The following ABR variants were observed in gnomAD, a reference collection of about 807,000 sequenced individuals.
ABR encodes ABR activator of RhoGEF and GTPase.
Under a neutral mutation model 107.2 loss-of-function variants are expected in ABR, and 35 were observed. The observed-to-expected ratio is 0.33, with a 90% CI of 0.25 to 0.43. ABR has a LOEUF of 0.43. Ranked by LOEUF, ABR falls within the 20% of genes least tolerant of loss-of-function variation. The probability of loss-of-function intolerance (pLI) is 1.00; values close to 1 mark genes in which losing one functional copy is unlikely to be tolerated. For missense variants in ABR, 815 were observed against 1,115.2 expected (o/e 0.73, Z 3.83); for synonymous variants, 498 against 462.0 (o/e 1.08, Z -1.00).
chr17:1,138,032 C>A (rs1295246457), intron 1 of ABR, among the ~76,000 whole-genome samples: 3 of 151,582 alleles, frequency 2.0e-5, no homozygotes, highest in African/African-American at 7.3e-5. Flanking sequence ...TCCTGAGTAG[C>A]TGGGATTACA....
At position 1,100,676 on chromosome 17, in the gene ABR, G is replaced by T. The variant is rs547338113; in HGVS notation, c.306C>A (p.Ser102Arg). Residue 102 changes from serine (S) to arginine (R), a missense_variant, in exon 3 of 23, where the codon AGC (serine) becomes AGA (arginine). Around this residue, in one of 5 missense-constraint regions of ABR, gnomAD observed 385 missense variants for 596.9 expected, o/e 0.64. Coordinates refer to ENST00000302538, the MANE Select transcript of ABR (RefSeq NM_021962.5). The part of the protein sequence containing the change: ...RKLVLSGFLA[S>R]EEIYINQLEA... ...CCAGCTGGTTAATGTAGATCTCTTC[G>T]CTGGCCAAGAACCCCGAGAGAACCA... The T allele has an allele frequency of 6.2e-7, 1 of 1,614,118 alleles. No homozygotes were observed. Among genetic ancestry groups the T allele is most frequent in the South Asian group, 1.1e-5 (1 of 91,080 alleles).
At chr17:1,167,611 C>T (rs1217024008) in intron 1 of ABR, among the ~76,000 whole-genome samples, 1 of 152,166 alleles carries the variant, frequency 6.6e-6, no homozygotes. Context: ...CAGGCTGAGG[C>T]GTCAAGACAG....
chr17:1,010,835 A>T lies in ABR; in HGVS notation c.2130T>A (p.Ser710Arg). The T allele has an allele frequency of 3.1e-6, 5 of 1,613,738 alleles. No homozygotes were observed. The highest frequency in any genetic ancestry group is 4.2e-6 in the Non-Finnish European group (5 of 1,179,988). Residue 710 changes from serine (S) to arginine (R), a missense_variant, in exon 20 of 23, where the codon AGT (serine) becomes AGA (arginine). Physicochemically the swap from Ser to Arg is moderately radical, Grantham distance 110. Around this residue, in one of 5 missense-constraint regions of ABR, gnomAD observed 175 missense variants for 284.3 expected, o/e 0.62. Coordinates refer to ENST00000302538, the MANE Select transcript of ABR (RefSeq NM_021962.5). The surrounding 1 kb of genome is among the most constrained non-coding windows in gnomAD (Gnocchi z 4.1). ...CGGCGATGGCGTTGATGTCCATGTC[A>T]CTCAGCATCAGCAGGATGTCCTTGT... Reference protein sequence around the residue: ...ANNKDILLMLSDMDINAIAGT... With the variant: ...ANNKDILLMLRDMDINAIAGT...
intron 2 of ABR, among the ~76,000 whole-genome samples, chr17:1,102,020 A>G (rs1597815236): frequency 6.6e-6 from 1 of 152,106 alleles, no homozygotes; most frequent in Non-Finnish European, 1.5e-5. Flanking sequence ...GGTGTGAGCC[A>G]CCGCACCCTG....
intron 9 of ABR, 96 bp from the exon 10 acceptor site, chr17:1,067,338 TGA>T: frequency 8.2e-7 from 1 of 1,220,932 alleles, no homozygotes; most frequent in Non-Finnish European, 1.1e-6. Flanking sequence ...TGACAGGGGT[TGA>T]CTGAGAACTC....
chr17:1,188,973 C>T (rs558061242), upstream of ABR, among the ~76,000 whole-genome samples: 292 of 152,316 alleles, frequency 1.9e-3, 4 homozygotes, highest in Non-Finnish European at 2.1e-3. Flanking sequence ...AAAGCACTTT[C>T]GGGTTCTGAT....
At chr17:1,221,640 G>A (rs1287223221) in intron 1 of ABR, among the ~76,000 whole-genome samples, 1 of 152,188 alleles carries the variant, frequency 6.6e-6, no homozygotes, top group Non-Finnish European at 1.5e-5. Flanking sequence ...TAAAGGAGGG[G>A]TTGGTTTGGG....
Position 1,011,695 on chromosome 17 carries a change from G to A in ABR, c.2101+151C>T, listed in dbSNP as rs1239880906. ...AGGGACAAGAGATTGGAGGGGAGGG[G>A]ATTACAAGAGAAAGCACTTGCCACG... On this transcript the variant is annotated intron_variant, in intron 19 of 22. Coordinates refer to ENST00000302538, the MANE Select transcript of ABR (RefSeq NM_021962.5). The surrounding 1 kb of genome is among the most constrained non-coding windows in gnomAD (Gnocchi z 4.8). 8 of 922,364 alleles carry A rather than the reference G, an allele frequency of 8.7e-6. No individual in the cohort carries two copies. The Admixed American group carries it at 1.1e-4, about 13-fold the overall frequency. The allele number at this position is 922,364 out of a possible 1,614,324, so 57.1% of individuals were successfully genotyped here.
intron 2 of ABR, among the ~76,000 whole-genome samples, chr17:1,115,093 G>A (rs1421063272): frequency 6.6e-6 from 1 of 152,200 alleles, no homozygotes; most frequent in Non-Finnish European, 1.5e-5. Context: ...CAAAGGGAAG[G>A]GGGGCCCCAT....
chr17:1,165,970 G>C (rs1402839043), intron 1 of ABR, among the ~76,000 whole-genome samples: 1 of 151,276 alleles, frequency 6.6e-6, no homozygotes, highest in African/African-American at 2.4e-5. Flanking sequence ...GATGACCTCA[G>C]CTCCCACCCC....
chr17:1,193,916 G>T (rs1307582024), intron 1 of ABR, among the ~76,000 whole-genome samples: 2 of 151,890 alleles, frequency 1.3e-5, no homozygotes, highest in African/African-American at 4.8e-5. Context: ...GGATGGTTTT[G>T]ATCTCCTGAC....
At chr17:1,185,912 T>G (rs1020607089) in intron 1 of ABR, among the ~76,000 whole-genome samples, 2 of 151,756 alleles carry the variant, frequency 1.3e-5, no homozygotes, top group Non-Finnish European at 2.9e-5. Context: ...CTCGGCTCAC[T>G]GCAACCTCTG....
At chr17:1,046,843 T>C (rs1177225326) in intron 16 of ABR, among the ~76,000 whole-genome samples, 1 of 152,210 alleles carries the variant, frequency 6.6e-6, no homozygotes, top group Non-Finnish European at 1.5e-5. Context: ...GAGGAGGGAC[T>C]GTCATTCTCC....
chr17:1,090,264 G>T (rs1423888554), intron 4 of ABR, among the ~76,000 whole-genome samples: 1 of 152,226 alleles, frequency 6.6e-6, no homozygotes, highest in Non-Finnish European at 1.5e-5. Flanking sequence ...CCAAGGCTGG[G>T]GCTGGACACG....
chr17:1,159,832 C>T (rs2041217938), intron 1 of ABR, among the ~76,000 whole-genome samples: 1 of 152,222 alleles, frequency 6.6e-6, no homozygotes, highest in Non-Finnish European at 1.5e-5. Context: ...GAATCCCTTC[C>T]ACGTCCTTGG....
At chr17:1,158,061 GGAGCGTGACCACCCCT>G (rs2041117659) in intron 1 of ABR, among the ~76,000 whole-genome samples, 1 of 152,282 alleles carries the variant, frequency 6.6e-6, no homozygotes, top group South Asian at 2.1e-4. Context: ...ACAGGTGGAA[GGAGCGTGACCACCCCT>G]GAGTAAGCCG....
intron 1 of ABR, among the ~76,000 whole-genome samples, chr17:1,155,362 A>G (rs1045435090): frequency 6.6e-6 from 1 of 152,182 alleles, no homozygotes; most frequent in African/African-American, 2.4e-5. Flanking sequence ...CCACATGTAA[A>G]AGTTGAACTT....
chr17:1,185,854 G>C (rs559521773), intron 1 of ABR, among the ~76,000 whole-genome samples: 263 of 151,376 alleles, frequency 1.7e-3, no homozygotes, highest in African/African-American at 5.9e-3. Context: ...TCTTTCTTTT[G>C]AGATGGAGTT....
At chr17:1,106,430 C>CAT (rs2038251041) in intron 2 of ABR, among the ~76,000 whole-genome samples, 1 of 151,086 alleles carries the variant, frequency 6.6e-6, no homozygotes, top group African/African-American at 2.4e-5. Context: ...CCTGCACACA[C>CAT]ACACACATGC....
Sources: allele counts gnomAD v4.1 joint callset (sites outside exome capture counted in the v4.1 genomes callset), GRCh38; gene constraint gnomAD v4.1.1; regional missense constraint gnomAD v4.1.1; non-coding constraint Gnocchi (gnomAD v3.1); transcripts MANE v1.5; gene names NCBI Gene and HGNC (gene_info 2026-07-23, HGNC 2026-07-21).